SGIP1: variants seen among roughly 807,000 people sequenced by gnomAD.
SGIP1 encodes SH3-containing GRB2-like protein 3-interacting protein 1.
In SGIP1, 38 loss-of-function variants were observed where a neutral mutation model predicts 107.5. The ratio of observed to expected loss-of-function variants is 0.35; its 90% CI spans 0.27 to 0.46. The LOEUF is 0.46. Ranked by LOEUF, SGIP1 falls within the 20% of genes least tolerant of loss-of-function variation. The probability of loss-of-function intolerance (pLI) is 1.00; values close to 1 mark genes in which losing one functional copy is unlikely to be tolerated. For missense variants in SGIP1, 929 were observed against 1,019.5 expected, an observed-to-expected ratio of 0.91 and a Z score of 1.21; for synonymous variants, 365 against 366.1, an observed-to-expected ratio of 1.00 and a Z score of 0.03.
At chr1:66,560,539 A>G (rs1045238486) in intron 1 of SGIP1, among the ~76,000 whole-genome samples, 2 of 152,110 alleles carry the variant, frequency 1.3e-5, no homozygotes, top group Non-Finnish European at 2.9e-5. Flanking sequence ...GCAATTAAAA[A>G]ACAACCAGGT....
intron 1 of SGIP1, among the ~76,000 whole-genome samples, chr1:66,602,554 T>C (rs1335720545): frequency 2.0e-5 from 3 of 152,110 alleles, no homozygotes; most frequent in Non-Finnish European, 4.4e-5. Flanking sequence ...GACGAGTTAA[T>C]GGTTGCAGCA....
chr1:66,554,443 G>C (rs1352729185), intron 1 of SGIP1, among the ~76,000 whole-genome samples: 1 of 152,070 alleles, frequency 6.6e-6, no homozygotes, highest in Non-Finnish European at 1.5e-5. Flanking sequence ...ATAACATGAT[G>C]AGCATCCCTA....
chr1:66,724,578 T>C (rs2093675437), intron 19 of SGIP1, among the ~76,000 whole-genome samples: 1 of 152,134 alleles, frequency 6.6e-6, no homozygotes, highest in Admixed American at 6.6e-5. Context: ...GTGGACTACT[T>C]CTCCCACCTT....
At chr1:66,633,168 T>C in intron 3 of SGIP1, 74 bp downstream of exon 3, 2 of 1,013,600 alleles carry the variant, frequency 2.0e-6, no homozygotes, top group East Asian at 4.8e-5. Flanking sequence ...TCAAAGCCCT[T>C]TTTTTTTCCT....
chr1:66,631,083 G>GA (rs1283328623), intron 2 of SGIP1, among the ~76,000 whole-genome samples: 2 of 138,472 alleles, frequency 1.4e-5, no homozygotes, highest in African/African-American at 5.2e-5. Context: ...AAGAAAGAAA[G>GA]AAAGAAAGAA....
intron 4 of SGIP1, 122 bp downstream of exon 4, chr1:66,636,137 G>A (rs2075739889): frequency 1.1e-6 from 1 of 903,014 alleles, no homozygotes; most frequent in East Asian, 2.6e-5. Context: ...AAACTCTTAG[G>A]TATTTCCAAA....
chr1:66,676,391 A>G (rs2085336720), intron 12 of SGIP1, among the ~76,000 whole-genome samples: 1 of 152,220 alleles, frequency 6.6e-6, no homozygotes, highest in African/African-American at 2.4e-5. Flanking sequence ...GAAAGAGAAG[A>G]AATGTTAAAT....
intron 1 of SGIP1, among the ~76,000 whole-genome samples, chr1:66,591,223 A>G (rs931300395): frequency 1.3e-5 from 2 of 152,172 alleles, no homozygotes; most frequent in African/African-American, 2.4e-5. Context: ...AAACCATTTC[A>G]CCAACAATGC....
At chr1:66,708,607 T>G (rs1444511722) in intron 18 of SGIP1, among the ~76,000 whole-genome samples, 2 of 152,212 alleles carry the variant, frequency 1.3e-5, no homozygotes, top group Non-Finnish European at 2.9e-5. Context: ...AAGTATAATA[T>G]TCTCATCTTC....
intron 1 of SGIP1, among the ~76,000 whole-genome samples, chr1:66,557,504 C>T (rs2058354537): frequency 6.6e-6 from 1 of 152,066 alleles, no homozygotes; most frequent in Non-Finnish European, 1.5e-5. Flanking sequence ...ATTTCTCTAT[C>T]CTCTCCTACA....
At chr1:66,668,196 A>T (rs868070073) in intron 9 of SGIP1, among the ~76,000 whole-genome samples, 5 of 149,202 alleles carry the variant, frequency 3.4e-5, no homozygotes, top group Non-Finnish European at 7.5e-5. Context: ...AGTATCATAA[A>T]TTTTTTTTTT....
rs1351145473 is a variant in SGIP1 at position 66,747,455 on chromosome 1, T to A, written c.*4360T>A. ...CTGTTATACTATCTCAGTCTCAAAG[T>A]AGCCTGAAATGCATTTTCTCATTTT... On this transcript the variant is annotated 3_prime_UTR_variant, in exon 25 of 25. Coordinates refer to ENST00000371037, the MANE Select transcript of SGIP1 (RefSeq NM_032291.4). The A allele has an allele frequency of 6.6e-6, 1 of 152,044 alleles. No individual in the cohort carries two copies. The highest frequency in any genetic ancestry group is 2.4e-5 in the African/African-American group (1 of 41,456). 9.4% of individuals were successfully genotyped at this position (152,044 alleles called of 1,614,324 possible).
intron 19 of SGIP1, among the ~76,000 whole-genome samples, chr1:66,719,655 A>C (rs574156802): frequency 1.3e-5 from 2 of 152,340 alleles, no homozygotes; most frequent in Admixed American, 1.3e-4. Context: ...AACTTACTCT[A>C]GAAATCTAGA....
intron 18 of SGIP1, among the ~76,000 whole-genome samples, chr1:66,701,971 G>A (rs974595177): frequency 6.6e-6 from 1 of 152,214 alleles, no homozygotes; most frequent in Admixed American, 6.5e-5. Context: ...ACCATGCAAG[G>A]AGTACCTAGT....
At chr1:66,540,887 C>A (rs992456004) in intron 1 of SGIP1, among the ~76,000 whole-genome samples, 1 of 152,152 alleles carries the variant, frequency 6.6e-6, no homozygotes, top group Admixed American at 6.5e-5. Flanking sequence ...TGTGCCATAC[C>A]TCTAGAACTT....
intron 7 of SGIP1, among the ~76,000 whole-genome samples, chr1:66,659,132 A>G (rs967042730): frequency 6.6e-6 from 1 of 152,202 alleles, no homozygotes; most frequent in Non-Finnish European, 1.5e-5. Flanking sequence ...CCGGATAATA[A>G]GGAGGTTTTT....
intron 1 of SGIP1, among the ~76,000 whole-genome samples, chr1:66,549,154 C>G (rs373545905): frequency 3.6e-5 from 5 of 138,768 alleles, no homozygotes; most frequent in African/African-American, 9.7e-5. Context: ...TTCCTTCCTT[C>G]CTTCCTTCCT....
chr1:66,550,218 G>T (rs944966246), intron 1 of SGIP1, among the ~76,000 whole-genome samples: 6 of 152,028 alleles, frequency 3.9e-5, no homozygotes, highest in Non-Finnish European at 7.4e-5. Flanking sequence ...TGAAATTATG[G>T]TTTATTTTTT....
chr1:66,737,068 C>T (rs776732424), intron 21 of SGIP1, among the ~76,000 whole-genome samples: 40 of 151,924 alleles, frequency 2.6e-4, no homozygotes, highest in Non-Finnish European at 5.6e-4. Flanking sequence ...TTTAAACATG[C>T]TTAGTGACTG....
Sources: gnomAD v4.1 joint callset for allele counts (sites outside exome capture counted in the v4.1 genomes callset) on GRCh38, gnomAD v4.1.1 for gene constraint, MANE v1.5 for transcripts, NCBI Gene and HGNC (gene_info 2026-07-23, HGNC 2026-07-21) for gene names.